Variants in SEPTIN12 observed in about 807,000 individuals in gnomAD.
The protein encoded by SEPTIN12 is septin-12.
SEPTIN12 carries 42 observed loss-of-function variants against 37.7 expected under a neutral mutation model. That is an observed-to-expected ratio of 1.11 (90% confidence interval 0.87 to 1.44). The LOEUF (loss-of-function observed/expected upper bound fraction) is 1.44. Among genes scored for constraint, SEPTIN12 ranks in the 40% most tolerant of loss-of-function variants. The probability of loss-of-function intolerance (pLI) is 0.00; values close to 1 mark genes in which losing one functional copy is unlikely to be tolerated. For missense variants in SEPTIN12, 613 were observed against 479.2 expected, an observed-to-expected ratio of 1.28 and a Z score of -2.61; for synonymous variants, 254 against 196.7, an observed-to-expected ratio of 1.29 and a Z score of -2.44.
rs549386784 is a variant in SEPTIN12, at chr16:4,782,744, C to T, written c.726+718G>A. 2.0e-5 allele frequency among the ~76,000 whole-genome samples: 3 copies of T among 151,232 alleles called. No homozygotes were observed. In the South Asian group the frequency reaches 6.3e-4, roughly 32 times the overall value. ...TCAGCCTCCTGAGTAGCTGGGCTTA[C>T]AGGCACCCACCACCACGCCCAGCTG... On this transcript the variant is annotated intron_variant, in intron 7 of 9. Coordinates refer to ENST00000268231, the MANE Select transcript of SEPTIN12 (RefSeq NM_144605.5).
chr16:4,790,353 T>C (rs1458352477), upstream of SEPTIN12, among the ~76,000 whole-genome samples: 3 of 152,174 alleles, frequency 2.0e-5, no homozygotes, highest in Non-Finnish European at 4.4e-5. Flanking sequence ...AGTAAAACCG[T>C]ATTCACAGAA....
chr16:4,791,555 C>T (rs1216077046), upstream of SEPTIN12, among the ~76,000 whole-genome samples: 1 of 152,186 alleles, frequency 6.6e-6, no homozygotes, highest in Non-Finnish European at 1.5e-5. Flanking sequence ...GTTACTCAAG[C>T]TCACACATTG....
chr16:4,783,347 T>C lies in SEPTIN12; in HGVS notation c.726+115A>G, dbSNP rs762206814. 9.6e-6 allele frequency: 8 copies of C among 829,920 alleles called. No individual in the cohort carries two copies. In the African/African-American group the frequency reaches 1.0e-4, roughly 10 times the overall value. The allele number at this position is 829,920 out of a possible 1,614,324, so 51.4% of individuals were successfully genotyped here. On this transcript the variant is annotated intron_variant, in intron 7 of 9. Transcript: ENST00000268231. ...GCTTGTGGATGAGTAGAGAATCATA[T>C]CTGCTAGGAATATGTGCACATTTCC...
chr16:4,786,206 C>G lies in SEPTIN12; in HGVS notation c.167-101G>C, dbSNP rs540271198. The G allele has an allele frequency of 1.4e-5, 20 of 1,414,486 alleles. 1 individual carries two copies. In the East Asian group the frequency reaches 4.8e-4, roughly 34 times the overall value. The allele number at this position is 1,414,486 out of a possible 1,614,324, so 87.6% of individuals were successfully genotyped here. A position where few individuals can be genotyped will look rare whatever the true frequency, so the allele number is the denominator to read the frequency against. On this transcript the variant is annotated intron_variant, in intron 2 of 9. Transcript: ENST00000268231. The stretch of plus-strand genomic sequence containing the variant: ...TTTTATTTTTGGAGACAGGTTCTCA[C>G]TCTGTCACCCAGGCTGGAGTGCAAT...
At position 4,784,059 on chromosome 16, in the gene SEPTIN12, G is replaced by A. The variant is rs1204508910; in HGVS notation, c.384C>T (p.Pro128=). Residue 128 remains proline, a synonymous_variant, in exon 5 of 10, where the codon CCC becomes CCT. Transcript: ENST00000268231. Reference sequence around the variant, plus strand: ...ATTGCTCGTTGATGTAGCCCAGGATGGGGTCCCAGCTGAGGCGGGAGGTGG... The same window carrying A: ...ATTGCTCGTTGATGTAGCCCAGGATAGGGTCCCAGCTGAGGCGGGAGGTGG... ...DQINNDNCWD[P]ILGYINEQYE... is the part of the protein sequence containing the mutation. The A allele has an allele frequency of 6.2e-7, 1 of 1,614,126 alleles. No individual in the cohort carries two copies. The highest frequency in any genetic ancestry group is 1.1e-5 in the South Asian group (1 of 91,084).
At chr16:4,787,721 A>T in intron 1 of SEPTIN12, 54 bp from the exon 2 acceptor site, 3 of 733,988 alleles carry the variant, frequency 4.1e-6, no homozygotes, top group Non-Finnish European at 6.8e-6. Context: ...AGGAGCCCAC[A>T]TTGACCTCTC....
chr16:4,779,662 G>C lies in SEPTIN12; in HGVS notation c.823+28C>G, dbSNP rs757859538. 4 of 1,428,174 alleles carry C rather than the reference G, an allele frequency of 2.8e-6. No individual in the cohort carries two copies. The South Asian group carries it at 4.6e-5, about 16-fold the overall frequency. The allele number at this position is 1,428,174 out of a possible 1,614,324, so 88.5% of individuals were successfully genotyped here. On this transcript the variant is annotated intron_variant, in intron 8 of 9. Coordinates refer to ENST00000268231, the MANE Select transcript of SEPTIN12 (RefSeq NM_144605.5). ...TCTGGTTTCCAAACTGACCCCACCTGCATCCTACCCAGGGGCCCCGCACTG... is the reference window on the plus strand; with the variant it reads ...TCTGGTTTCCAAACTGACCCCACCTCCATCCTACCCAGGGGCCCCGCACTG...
upstream of SEPTIN12, among the ~76,000 whole-genome samples, chr16:4,789,631 T>A (rs1338596884): frequency 6.6e-6 from 1 of 152,166 alleles, no homozygotes; most frequent in East Asian, 1.9e-4. Flanking sequence ...CAGCCCTTTT[T>A]AAAATTTTTT....
chr16:4,783,843 G>C (rs1360353170), intron 5 of SEPTIN12, 77 bp from the exon 6 acceptor site: 1 of 1,601,154 alleles, frequency 6.2e-7, no homozygotes, highest in African/African-American at 1.3e-5. Flanking sequence ...ACGGGGGTGG[G>C]GGCAGCCGGC....
rs993006329 is a variant in SEPTIN12, at chr16:4,786,395, C to T, written c.167-290G>A. On this transcript the variant is annotated intron_variant, in intron 2 of 9. Coordinates refer to ENST00000268231, the MANE Select transcript of SEPTIN12 (RefSeq NM_144605.5). ...TTTGAGACGCAGTCTCGCTCTGTCA[C>T]CCAGGCTGGAGCGCGATGGTGGGAT... Among the ~76,000 whole-genome samples the T allele has an allele frequency of 9.9e-5, 15 of 150,818 alleles. 1 individual carries two copies. The highest frequency in any genetic ancestry group is 3.2e-4 in the African/African-American group (13 of 41,034).
In SEPTIN12 at chr16:4,778,503, A is replaced by G. The variant is rs75647080; in HGVS notation, c.824-366T>C. 7.9e-5 allele frequency among the ~76,000 whole-genome samples: 12 copies of G among 152,344 alleles called. No individual in the cohort carries two copies. The East Asian group carries it at 2.3e-3, about 29-fold the overall frequency. ...GCATGGGTGCTATATCATAGGCAAT[A>G]GTATAGTATATTTCTGGCTGGGCGC... On this transcript the variant is annotated intron_variant, in intron 8 of 9. Transcript: ENST00000268231.
chr16:4,790,274 T>C (rs968504540), upstream of SEPTIN12, among the ~76,000 whole-genome samples: 1 of 152,214 alleles, frequency 6.6e-6, no homozygotes, highest in Non-Finnish European at 1.5e-5. Flanking sequence ...GCAACTACTA[T>C]GCAACTTTTC....
At position 4,779,749 on chromosome 16, in the gene SEPTIN12, T is replaced by A. The variant is rs1177244383; in HGVS notation, c.764A>T (p.Glu255Val). The A allele has an allele frequency of 6.2e-7, 1 of 1,613,634 alleles. No individual in the cohort carries two copies. Among genetic ancestry groups the A allele is most frequent in the Non-Finnish European group, 8.5e-7 (1 of 1,179,738 alleles). The part of the protein sequence containing the change: ...IPFAVVGADQ[E>V]HLVNGRCVLG... ...GACACACCTCCCGTTCACCAGGTGC[T>A]CTTGGTCAGCCCCTACCACGGCAAA... Residue 255 changes from glutamate to valine, a missense_variant, in exon 8 of 10, where the codon GAG (glutamate) becomes GTG (valine). Transcript: ENST00000268231.
chr16:4,781,219 A>T (rs1489323094), intron 7 of SEPTIN12, among the ~76,000 whole-genome samples: 3 of 151,758 alleles, frequency 2.0e-5, no homozygotes, highest in African/African-American at 7.3e-5. Context: ...AGATCACGCC[A>T]CTATACTCCA....
chr16:4,785,804 T>C lies in SEPTIN12; in HGVS notation c.374+3A>G. On this transcript the variant is annotated splice_donor_region_variant and intron_variant, in intron 4 of 9. Coordinates refer to ENST00000268231, the MANE Select transcript of SEPTIN12 (RefSeq NM_144605.5). ...AAAAAAAAAAAAAAGAGAGAGAACCTACCAGTTGTCATTGTTGATCTGGTC... is the reference window on the plus strand; with the variant it reads ...AAAAAAAAAAAAAAGAGAGAGAACCCACCAGTTGTCATTGTTGATCTGGTC... 1.3e-6 allele frequency: 2 copies of C among 1,540,350 alleles called. No homozygotes were observed. Among genetic ancestry groups the C allele is most frequent in the Non-Finnish European group, 1.8e-6 (2 of 1,117,776 alleles).
At chr16:4,790,767 C>T (rs191420721), upstream of SEPTIN12, among the ~76,000 whole-genome samples, 5 of 152,038 alleles carry the variant, frequency 3.3e-5, no homozygotes, top group Admixed American at 1.3e-4. Context: ...CCAGCCTGGG[C>T]GACAGAGTAA....
chr16:4,778,475 A>C lies in SEPTIN12; in HGVS notation c.824-338T>G, dbSNP rs143340047. Among the ~76,000 whole-genome samples, 6 of 152,288 alleles carry C rather than the reference A, an allele frequency of 3.9e-5. No individual in the cohort carries two copies. In the East Asian group the frequency reaches 1.2e-3, roughly 29 times the overall value. The stretch of plus-strand genomic sequence containing the variant: ...GGGGTCCTGGAACCACCCTCTGCGG[A>C]TAGCATGGGTGCTATATCATAGGCA... On this transcript the variant is annotated intron_variant, in intron 8 of 9. Transcript: ENST00000268231.
At position 4,781,274 on chromosome 16, in the gene SEPTIN12, C is replaced by A. The variant is rs2082368729; in HGVS notation, c.727-1488G>T. ...ACTCCATCTAAAAAAAAAAAAAAGA[C>A]CCTATCTCATAAAAAAAACAACATT... is the stretch of plus-strand genomic sequence containing the variant. On this transcript the variant is annotated intron_variant, in intron 7 of 9. Transcript: ENST00000268231. Among the ~76,000 whole-genome samples, 3 of 148,474 alleles carry A rather than the reference C, an allele frequency of 2.0e-5. 1 individual carries two copies. The South Asian group carries it at 6.3e-4, about 31-fold the overall frequency.
upstream of SEPTIN12, among the ~76,000 whole-genome samples, chr16:4,790,412 C>T (rs2082534030): frequency 6.6e-6 from 1 of 152,206 alleles, no homozygotes; most frequent in African/African-American, 2.4e-5. Context: ...CCGACTTCTG[C>T]CCTTTGCTGT....
Sources: allele counts gnomAD v4.1 joint callset (sites outside exome capture counted in the v4.1 genomes callset), GRCh38; gene constraint gnomAD v4.1.1; transcripts MANE v1.5; gene names NCBI Gene and HGNC (gene_info 2026-07-23, HGNC 2026-07-21).